The following SIK3 variants were observed in gnomAD, a reference collection of about 807,000 sequenced individuals.
SIK3 encodes the protein SIK family kinase 3, also known as serine/threonine-protein kinase SIK3.
Under a neutral mutation model 144.2 loss-of-function variants are expected in SIK3, and 28 were observed. The ratio of observed to expected loss-of-function variants is 0.19; its 90% confidence interval spans 0.14 to 0.27. The LOEUF (loss-of-function observed/expected upper bound fraction) is 0.27. Among genes scored for constraint, SIK3 ranks in the 10% least tolerant of loss-of-function variants. The pLI, the probability that SIK3 is intolerant of heterozygous loss-of-function variation, is 1.00. For missense variants in SIK3, 1,319 were observed against 1,776.0 expected, an observed-to-expected ratio of 0.74 and a Z score of 4.62; for synonymous variants, 686 against 676.3, an observed-to-expected ratio of 1.01 and a Z score of -0.22.
At position 117,098,397 on chromosome 11, in the gene SIK3, T is replaced by TCGCCGC. The variant is rs758486950; in HGVS notation, c.13_18dup (p.Ala5_Ala6dup). ...GCCCCGGCAGCCCCGCCAGCTCCGC[T>TCGCCGC]CGCCGCCGCCGCCGCCATCTTGTTG... On this transcript the variant is annotated inframe_insertion, in exon 1 of 25. Coordinates refer to ENST00000445177, the MANE Select transcript of SIK3 (RefSeq NM_001366686.3). 73 of 1,148,546 alleles carry TCGCCGC rather than the reference T, an allele frequency of 6.4e-5. No individual in the cohort carries two copies. Among genetic ancestry groups the TCGCCGC allele is most frequent in the East Asian group, 1.7e-4 (4 of 23,550 alleles). 71.1% of individuals were successfully genotyped at this position (1,148,546 alleles called of 1,614,324 possible).
chr11:117,012,026 T>C (rs1478562841), intron 1 of SIK3, among the ~76,000 whole-genome samples: 2 of 152,184 alleles, frequency 1.3e-5, no homozygotes, highest in Non-Finnish European at 2.9e-5. Context: ...TATCACTGAC[T>C]GGAGTGCAAT....
intron 1 of SIK3, among the ~76,000 whole-genome samples, chr11:117,031,575 G>A (rs1209902006): frequency 6.6e-6 from 1 of 150,924 alleles, no homozygotes; most frequent in Non-Finnish European, 1.5e-5. Context: ...AGGCTGGAGT[G>A]CAATGGCGCG....
In SIK3 at chr11:116,868,144, C is replaced by T. The variant is rs1943753524; in HGVS notation, c.1809-55G>A. The T allele has an allele frequency of 8.4e-6, 13 of 1,546,548 alleles. No individual in the cohort carries two copies. In the East Asian group the frequency reaches 2.4e-4, roughly 29 times the overall value. ...AAAAAAGACAGACAGGAATATTCCT[C>T]CACAAGAAGCATTAGAAGTTAATCC... is the stretch of plus-strand genomic sequence containing the variant. On this transcript the variant is annotated intron_variant, in intron 14 of 24. Coordinates refer to ENST00000445177, the MANE Select transcript of SIK3 (RefSeq NM_001366686.3).
intron 4 of SIK3, chr11:116,904,624 T>C (rs1437177542): frequency 6.6e-6 from 1 of 152,238 alleles, no homozygotes; most frequent in Non-Finnish European, 1.5e-5. Flanking sequence ...CCCTACAGCA[T>C]TATTGAGATA....
chr11:116,862,336 A>G lies in SIK3; in HGVS notation c.2104-9T>C, dbSNP rs1414543558. 2 of 1,614,136 alleles carry G rather than the reference A, an allele frequency of 1.2e-6. No homozygotes were observed. Among genetic ancestry groups the G allele is most frequent in the Non-Finnish European group, 1.7e-6 (2 of 1,179,994 alleles). The stretch of plus-strand genomic sequence containing the variant: ...TGCAGCTGCTCACACTCCTGAAGGG[A>G]AAGTAGTTAATACAGATGGGATGCA... On this transcript the variant is annotated splice_polypyrimidine_tract_variant and intron_variant, in intron 16 of 24. Coordinates refer to ENST00000445177, the MANE Select transcript of SIK3 (RefSeq NM_001366686.3).
intron 15 of SIK3, among the ~76,000 whole-genome samples, chr11:116,866,081 CACAG>C (rs1943615591): frequency 6.6e-6 from 1 of 152,154 alleles, no homozygotes; most frequent in South Asian, 2.1e-4. Context: ...GTGGATATCA[CACAG>C]ACAGAGCTGT....
chr11:116,963,212 G>A (rs1198024132), intron 1 of SIK3, among the ~76,000 whole-genome samples: 1 of 152,146 alleles, frequency 6.6e-6, no homozygotes, highest in Non-Finnish European at 1.5e-5. Context: ...GCAACTGACT[G>A]GTTTACTGTA....
chr11:116,971,943 CT>C (rs1949775979), intron 1 of SIK3, among the ~76,000 whole-genome samples: 1 of 152,084 alleles, frequency 6.6e-6, no homozygotes, highest in Non-Finnish European at 1.5e-5. Context: ...GAAAAATTAC[CT>C]GGGCGTGGTG....
intron 1 of SIK3, among the ~76,000 whole-genome samples, chr11:117,024,270 C>T (rs1164675013): frequency 1.3e-5 from 2 of 150,380 alleles, no homozygotes; most frequent in African/African-American, 4.9e-5. Flanking sequence ...TTTCAGCTAA[C>T]CTCAAAGGCG....
At chr11:116,987,082 C>A (rs1950349145) in intron 1 of SIK3, among the ~76,000 whole-genome samples, 1 of 152,038 alleles carries the variant, frequency 6.6e-6, no homozygotes, top group Non-Finnish European at 1.5e-5. Flanking sequence ...GTGAACCGTA[C>A]ACTTAAAAAT....
intron 4 of SIK3, among the ~76,000 whole-genome samples, chr11:116,903,750 T>C (rs982088862): frequency 1.3e-5 from 2 of 152,026 alleles, no homozygotes; most frequent in Non-Finnish European, 2.9e-5. Context: ...CCTAGCTATT[T>C]AAAAAAAATT....
At chr11:117,053,449 C>T (rs1442041663) in intron 1 of SIK3, among the ~76,000 whole-genome samples, 1 of 151,822 alleles carries the variant, frequency 6.6e-6, no homozygotes, top group Non-Finnish European at 1.5e-5. Flanking sequence ...AATATGCAAG[C>T]CCTTTCAATG....
intron 4 of SIK3, among the ~76,000 whole-genome samples, chr11:116,917,983 A>C (rs10750099): frequency 0.97 from 147,626 of 152,272 alleles, 71,618 homozygotes; most frequent in Non-Finnish European, 0.98. Context: ...TGCCGATAAA[A>C]TTATTTTTCT....
chr11:117,096,901 G>A (rs1955499690), intron 1 of SIK3, among the ~76,000 whole-genome samples: 1 of 152,182 alleles, frequency 6.6e-6, no homozygotes, highest in South Asian at 2.1e-4. Context: ...GAATTGATGT[G>A]GCTTTGGTAG....
intron 1 of SIK3, among the ~76,000 whole-genome samples, chr11:117,006,714 T>TAAA (rs1951063412): frequency 6.6e-6 from 1 of 151,076 alleles, no homozygotes; most frequent in Non-Finnish European, 1.5e-5. Flanking sequence ...AGCATGGGGG[T>TAAA]AGGAGGTGTT....
intron 1 of SIK3, among the ~76,000 whole-genome samples, chr11:117,029,964 T>C (rs985862109): frequency 1.3e-5 from 2 of 151,448 alleles, no homozygotes; most frequent in East Asian, 1.9e-4. Flanking sequence ...AGAATATACA[T>C]AGAGAGAAGA....
intron 1 of SIK3, among the ~76,000 whole-genome samples, chr11:117,071,572 AGGAAGAAGG>A (rs1954281598): frequency 6.6e-6 from 1 of 152,104 alleles, no homozygotes. Flanking sequence ...GATAAATAGA[AGGAAGAAGG>A]GGAAGAAGAA....
intron 1 of SIK3, among the ~76,000 whole-genome samples, chr11:117,090,755 A>C (rs1247037760): frequency 6.6e-6 from 1 of 152,226 alleles, no homozygotes; most frequent in East Asian, 1.9e-4. Context: ...AGCAGATTTA[A>C]AGGCAAAGCA....
At chr11:116,881,399 T>G in intron 6 of SIK3, among the ~76,000 whole-genome samples, 1 of 152,190 alleles carries the variant, frequency 6.6e-6, no homozygotes. Flanking sequence ...CTAGAGGATG[T>G]TCAGCACAGG....
Sources: gnomAD v4.1 joint callset for allele counts (sites outside exome capture counted in the v4.1 genomes callset) on GRCh38, gnomAD v4.1.1 for gene constraint, MANE v1.5 for transcripts, NCBI Gene and HGNC (gene_info 2026-07-23, HGNC 2026-07-21) for gene names.